Variants in PCDHGA5 observed in about 807,000 individuals in gnomAD.
PCDHGA5 encodes protocadherin gamma subfamily A, 5, also known as protocadherin gamma-A5.
Under a neutral mutation model 56.7 loss-of-function variants are expected in PCDHGA5, and 36 were observed. That is an observed-to-expected ratio of 0.64 (90% CI 0.49 to 0.84). PCDHGA5 has a LOEUF of 0.84. PCDHGA5 is among the 40% of genes least tolerant of loss of function. The probability of loss-of-function intolerance (pLI) is 0.00; values close to 1 mark genes in which losing one functional copy is unlikely to be tolerated. For synonymous variants in PCDHGA5, 563 were observed against 520.2 expected, an observed-to-expected ratio of 1.08 and a Z score of -1.12; for missense variants, 1,305 against 1,201.5, an observed-to-expected ratio of 1.09 and a Z score of -1.27.
intron 1 of PCDHGA5, chr5:141,422,273 C>T: frequency 6.4e-7 from 1 of 1,560,808 alleles, no homozygotes; most frequent in Non-Finnish European, 8.6e-7. Flanking sequence ...CCAGAAATAA[C>T]TATCACCTCT....
intron 1 of PCDHGA5, chr5:141,428,021 C>T: frequency 1.2e-6 from 2 of 1,605,604 alleles, no homozygotes; most frequent in Non-Finnish European, 1.7e-6. Context: ...TGCCACGCGC[C>T]GCAGAGTCCG....
At chr5:141,371,425 C>A in intron 1 of PCDHGA5, 1 of 1,613,882 alleles carries the variant, frequency 6.2e-7, no homozygotes, top group Non-Finnish European at 8.5e-7. Flanking sequence ...AATGACAATG[C>A]CCCGGAGATA....
Position 141,491,880 on chromosome 5 carries a change from G to C in PCDHGA5, c.2422-2927G>C. ...GCGAAACCAGAGTGGCCGATTAAGG[G>C]ATGGGGCTCCGAGCACCGGGGGTGG... On this transcript the variant is annotated intron_variant, in intron 1 of 3. Transcript: ENST00000518069. This position sits in a 1 kb window ranked among gnomAD's most constrained non-coding sequence, Gnocchi z 6.9. 1 of 1,449,834 alleles carries C rather than the reference G, an allele frequency of 6.9e-7. No individual in the cohort carries two copies. 89.8% of individuals were successfully genotyped at this position (1,449,834 alleles called of 1,614,324 possible).
intron 1 of PCDHGA5, among the ~76,000 whole-genome samples, chr5:141,472,402 G>A (rs569497172): frequency 8.5e-5 from 13 of 152,160 alleles, no homozygotes; most frequent in South Asian, 2.1e-4. Context: ...TTAGCCAGGC[G>A]TGGTGGCACG....
At chr5:141,419,897 A>C in intron 1 of PCDHGA5, 1 of 1,613,960 alleles carries the variant, frequency 6.2e-7, no homozygotes, top group Non-Finnish European at 8.5e-7. Context: ...CGACCATCCC[A>C]CACCCTCTGA....
At chr5:141,405,038 G>T in intron 1 of PCDHGA5, 1 of 1,613,964 alleles carries the variant, frequency 6.2e-7, no homozygotes, top group Non-Finnish European at 8.5e-7. Flanking sequence ...CCTCGTTGTG[G>T]CTGTGGCAGT....
At position 141,476,161 on chromosome 5, in the gene PCDHGA5, G is replaced by A. The variant is rs748660112; in HGVS notation, c.2422-18646G>A. 21 of 1,613,012 alleles carry A rather than the reference G, an allele frequency of 1.3e-5. No homozygotes were observed. Among genetic ancestry groups the A allele is most frequent in the Non-Finnish European group, 1.8e-5 (21 of 1,179,922 alleles). On this transcript the variant is annotated intron_variant, in intron 1 of 3. Transcript: ENST00000518069. The surrounding 1 kb of genome is among the most constrained non-coding windows in gnomAD (Gnocchi z 7.6). ...GGAGCGGACTGGTAAGCACCGGGAG[G>A]GTAGTGGGAGTTTTGCTTCTGCTTG... is the stretch of plus-strand genomic sequence containing the variant.
intron 1 of PCDHGA5, chr5:141,398,830 G>A: frequency 6.2e-7 from 1 of 1,613,946 alleles, no homozygotes; most frequent in Non-Finnish European, 8.5e-7. Flanking sequence ...GGTAACCGAC[G>A]CCAATGATAA....
intron 1 of PCDHGA5, chr5:141,383,948 C>G (rs199642192): frequency 2.1e-4 from 340 of 1,613,480 alleles, no homozygotes; most frequent in Non-Finnish European, 2.5e-4. Context: ...GTGACTATGA[C>G]GTCTTTAAGT....
In PCDHGA5 at chr5:141,393,997, A is replaced by G. The variant is rs375314377; in HGVS notation, c.2421+27246A>G. ...CGTGATAATTTACCTTTTAAATTAG[A>G]AAAGTCAATAGGTAATTATTATAGA... On this transcript the variant is annotated intron_variant, in intron 1 of 3. Coordinates refer to ENST00000518069, the MANE Select transcript of PCDHGA5 (RefSeq NM_018918.3). 7.4e-6 allele frequency: 12 copies of G among 1,613,330 alleles called. 1 individual carries two copies. The African/African-American group carries it at 8.0e-5, about 11-fold the overall frequency.
In PCDHGA5 at chr5:141,487,072, T is replaced by C. The variant is rs754589618; in HGVS notation, c.2422-7735T>C. On this transcript the variant is annotated intron_variant, in intron 1 of 3. Coordinates refer to ENST00000518069, the MANE Select transcript of PCDHGA5 (RefSeq NM_018918.3). This position sits in a 1 kb window ranked among gnomAD's most constrained non-coding sequence, Gnocchi z 5.0. ...CTGGGGAGGTGCGGACGGCTGTTCCTATCCCAGCTGACCTCCCACCACAGA... is the reference window on the plus strand; with the variant it reads ...CTGGGGAGGTGCGGACGGCTGTTCCCATCCCAGCTGACCTCCCACCACAGA... 8.1e-6 allele frequency: 13 copies of C among 1,614,010 alleles called. No homozygotes were observed. Among genetic ancestry groups the C allele is most frequent in the Non-Finnish European group, 1.1e-5 (13 of 1,179,966 alleles).
intron 1 of PCDHGA5, chr5:141,400,290 C>G (rs1455484413): frequency 3.1e-6 from 5 of 1,613,972 alleles, no homozygotes; most frequent in Non-Finnish European, 3.4e-6. Context: ...CCGCCTGGAG[C>G]TGCTTCCAAC....
At chr5:141,498,919 C>A (rs897611505) in intron 2 of PCDHGA5, among the ~76,000 whole-genome samples, 1 of 122,240 alleles carries the variant, frequency 8.2e-6, no homozygotes. Context: ...GGTGACAGAG[C>A]GAGACTCCAT....
rs1554175372 is a variant in PCDHGA5, at chr5:141,490,827, G to A, written c.2422-3980G>A. ...CCTTTGACTATGAATTGCTGCAGAT[G>A]CTGCAGATTGTGGTGGGGGTTCGAG... On this transcript the variant is annotated intron_variant, in intron 1 of 3. Transcript: ENST00000518069. This position sits in a 1 kb window ranked among gnomAD's most constrained non-coding sequence, Gnocchi z 5.4. 1 of 1,613,744 alleles carries A rather than the reference G, an allele frequency of 6.2e-7. No individual in the cohort carries two copies. Among genetic ancestry groups the A allele is most frequent in the Non-Finnish European group, 8.5e-7 (1 of 1,179,828 alleles).
At chr5:141,375,802 T>G (rs754541889) in intron 1 of PCDHGA5, 15 of 1,614,072 alleles carry the variant, frequency 9.3e-6, no homozygotes, top group East Asian at 2.2e-5. Flanking sequence ...ACGGTTCCAC[T>G]GGCGTGGAGC....
At chr5:141,367,010 A>G (rs917201512) in intron 1 of PCDHGA5, 9 of 419,880 alleles carry the variant, frequency 2.1e-5, no homozygotes, top group Admixed American at 8.4e-5. Flanking sequence ...TTTTACCCAA[A>G]TATTTTGTTA....
intron 2 of PCDHGA5, among the ~76,000 whole-genome samples, chr5:141,500,906 G>C (rs1333707004): frequency 6.7e-6 from 1 of 149,672 alleles, no homozygotes; most frequent in African/African-American, 2.5e-5. Flanking sequence ...GTCTCGCTCT[G>C]TCTCCAGGCT....
At chr5:141,428,305 G>A (rs751498223) in intron 1 of PCDHGA5, 8 of 694,348 alleles carry the variant, frequency 1.2e-5, no homozygotes, top group African/African-American at 1.8e-5. Flanking sequence ...GATTTACCTG[G>A]TCGTGGCCTT....
rs946798767 is a variant in PCDHGA5, at chr5:141,438,591, CATATATATAT to C, written c.2422-56180_2422-56171del. On this transcript the variant is annotated intron_variant, in intron 1 of 3. Transcript: ENST00000518069. The stretch of plus-strand genomic sequence containing the variant: ...TCTGATATACATACATACATACATA[CATATATATAT>C]ATATATATATATATATATATATATA... Among the ~76,000 whole-genome samples, 12 of 75,572 alleles carry C rather than the reference CATATATATAT, an allele frequency of 1.6e-4. No individual in the cohort carries two copies. The East Asian group carries it at 1.7e-3, about 11-fold the overall frequency. The allele number at this position is 75,572 out of a possible 152,430, so 49.6% of individuals were successfully genotyped here.
Sources: allele counts gnomAD v4.1 joint callset (sites outside exome capture counted in the v4.1 genomes callset), GRCh38; gene constraint gnomAD v4.1.1; non-coding constraint Gnocchi (gnomAD v3.1); transcripts MANE v1.5; gene names NCBI Gene and HGNC (gene_info 2026-07-23, HGNC 2026-07-21).